Variants in ARHGAP24 observed in about 807,000 individuals in gnomAD.
ARHGAP24 encodes the protein Rho GTPase activating protein 24, also known as rho GTPase-activating protein 24.
A neutral mutation model predicts 76.4 loss-of-function variants in ARHGAP24; 50 were observed. The observed-to-expected ratio is 0.65, with a 90% CI of 0.52 to 0.83. The LOEUF is 0.83. ARHGAP24 is among the 40% of genes least tolerant of loss of function. The pLI is 0.00. For missense variants in ARHGAP24, 930 were observed against 914.2 expected, an observed-to-expected ratio of 1.02 and a Z score of -0.22; for synonymous variants, 345 against 323.3, an observed-to-expected ratio of 1.07 and a Z score of -0.72.
intron 3 of ARHGAP24, among the ~76,000 whole-genome samples, chr4:85,890,794 A>C (rs1265666824): frequency 6.6e-6 from 1 of 152,130 alleles, no homozygotes; most frequent in Non-Finnish European, 1.5e-5. Flanking sequence ...CTGAGGATGA[A>C]TTGTTTTGAA....
intron 8 of ARHGAP24, among the ~76,000 whole-genome samples, chr4:85,993,136 A>C (rs1740435787): frequency 6.6e-6 from 1 of 152,130 alleles, no homozygotes; most frequent in Admixed American, 6.6e-5. Flanking sequence ...CATCTACTAC[A>C]GTGTTTCTCA....
chr4:85,969,963 TTTAA>T (rs1738876394), intron 5 of ARHGAP24, among the ~76,000 whole-genome samples: 1 of 152,212 alleles, frequency 6.6e-6, no homozygotes, highest in Non-Finnish European at 1.5e-5. Context: ...CATATATTTA[TTTAA>T]TTATCAAGAA....
chr4:85,624,616 G>T (rs1720864474), intron 2 of ARHGAP24, among the ~76,000 whole-genome samples: 1 of 152,146 alleles, frequency 6.6e-6, no homozygotes, highest in Non-Finnish European at 1.5e-5. Flanking sequence ...GAGTTATGGA[G>T]GATTCCCTCT....
At chr4:85,828,009 A>G in intron 3 of ARHGAP24, 1 of 1,269,284 alleles carries the variant, frequency 7.9e-7, no homozygotes, top group Non-Finnish European at 1.0e-6. Context: ...TAATTTGGAG[A>G]CAAATTGCCA....
intron 2 of ARHGAP24, among the ~76,000 whole-genome samples, chr4:85,656,310 A>G (rs1481825323): frequency 6.6e-6 from 1 of 152,210 alleles, no homozygotes; most frequent in Admixed American, 6.5e-5. Flanking sequence ...TATGAAAGTG[A>G]GATTCGTATT....
chr4:85,664,772 C>A (rs1400644031), intron 2 of ARHGAP24, among the ~76,000 whole-genome samples: 1 of 151,704 alleles, frequency 6.6e-6, no homozygotes, highest in Non-Finnish European at 1.5e-5. Flanking sequence ...CGTTATGTAC[C>A]CAGTAGTCAT....
At position 85,516,637 on chromosome 4, in the gene ARHGAP24, G is replaced by A. The variant is rs1023928571; in HGVS notation, c.-21+41078G>A. Among the ~76,000 whole-genome samples the A allele has an allele frequency of 6.1e-5, 9 of 148,426 alleles. No individual in the cohort carries two copies. The South Asian group carries it at 1.5e-3, about 24-fold the overall frequency. ...TCTTTTTTTTTTCTATTGAGATTTTGTGGGTTTTTTTCTTAATTTTTGAAG... is the reference window on the plus strand; with the variant it reads ...TCTTTTTTTTTTCTATTGAGATTTTATGGGTTTTTTTCTTAATTTTTGAAG... On this transcript the variant is annotated intron_variant, in intron 1 of 9. Coordinates refer to ENST00000395184, the MANE Select transcript of ARHGAP24 (RefSeq NM_001025616.3).
chr4:85,731,449 T>C (rs1725406219), intron 3 of ARHGAP24, among the ~76,000 whole-genome samples: 1 of 152,234 alleles, frequency 6.6e-6, no homozygotes, highest in African/African-American at 2.4e-5. Flanking sequence ...TGCATGTTTG[T>C]TGAATTAATG....
intron 3 of ARHGAP24, among the ~76,000 whole-genome samples, chr4:85,738,900 T>TAAAC (rs1725705687): frequency 6.6e-6 from 1 of 152,210 alleles, no homozygotes; most frequent in African/African-American, 2.4e-5. Flanking sequence ...GCAGATGGCA[T>TAAAC]AAGACCAGGC....
intron 3 of ARHGAP24, among the ~76,000 whole-genome samples, chr4:85,821,535 CT>C (rs1345459692): frequency 6.6e-6 from 1 of 152,128 alleles, no homozygotes; most frequent in Admixed American, 6.5e-5. Flanking sequence ...GGCATCATGC[CT>C]GTTTAATTTT....
chr4:85,483,950 A>C (rs1034752600), intron 1 of ARHGAP24, among the ~76,000 whole-genome samples: 1 of 152,214 alleles, frequency 6.6e-6, no homozygotes, highest in Non-Finnish European at 1.5e-5. Flanking sequence ...CAAAGGTGGC[A>C]TTTGGAAATC....
chr4:85,533,624 A>G (rs1290883186), intron 1 of ARHGAP24, among the ~76,000 whole-genome samples: 1 of 152,176 alleles, frequency 6.6e-6, no homozygotes, highest in Non-Finnish European at 1.5e-5. Context: ...ACAGCTTGCA[A>G]TGTAACTTTG....
chr4:85,578,640 A>G (rs1437856166), intron 2 of ARHGAP24, among the ~76,000 whole-genome samples: 3 of 152,158 alleles, frequency 2.0e-5, no homozygotes, highest in South Asian at 2.1e-4. Context: ...ATCATAAAAT[A>G]CCTATCTCAG....
At chr4:85,850,729 G>A (rs147999442) in intron 3 of ARHGAP24, among the ~76,000 whole-genome samples, 6,297 of 152,240 alleles carry the variant, frequency 0.041, 447 homozygotes, top group African/African-American at 0.14. Flanking sequence ...TCATGAGCAG[G>A]TTGTTCAGTT....
At chr4:85,607,723 G>A (rs1720246878) in intron 2 of ARHGAP24, among the ~76,000 whole-genome samples, 1 of 121,364 alleles carries the variant, frequency 8.2e-6, no homozygotes. Context: ...GCGTAGCTAT[G>A]GCTCCAACAC....
chr4:85,562,226 A>C (rs1726625975), intron 1 of ARHGAP24, among the ~76,000 whole-genome samples: 1 of 152,244 alleles, frequency 6.6e-6, no homozygotes, highest in Admixed American at 6.5e-5. Flanking sequence ...AGAATCCATC[A>C]TATCACTGTG....
At chr4:85,740,637 A>G (rs138605130) in intron 3 of ARHGAP24, among the ~76,000 whole-genome samples, 194 of 152,324 alleles carry the variant, frequency 1.3e-3, no homozygotes, top group African/African-American at 4.5e-3. Context: ...TGTGGTTGGC[A>G]CTCAATAAAA....
intron 3 of ARHGAP24, among the ~76,000 whole-genome samples, chr4:85,728,170 T>C (rs1725239819): frequency 7.1e-6 from 1 of 140,602 alleles, no homozygotes; most frequent in African/African-American, 2.7e-5. Context: ...TCTTAGGAGA[T>C]AGGTGAAAAG....
chr4:85,659,143 T>C (rs1722288982), intron 2 of ARHGAP24, among the ~76,000 whole-genome samples: 1 of 152,156 alleles, frequency 6.6e-6, no homozygotes, highest in African/African-American at 2.4e-5. Flanking sequence ...TGCAGTTAAA[T>C]ATCCTATGAA....
Sources: gnomAD v4.1 joint callset for allele counts (sites outside exome capture counted in the v4.1 genomes callset) on GRCh38, gnomAD v4.1.1 for gene constraint, MANE v1.5 for transcripts, NCBI Gene and HGNC (gene_info 2026-07-23, HGNC 2026-07-21) for gene names.